Variants in TMEM230 observed in about 807,000 individuals in gnomAD.
The protein encoded by TMEM230 is transmembrane protein 230.
Under a neutral mutation model 15.8 loss-of-function variants are expected in TMEM230, and 10 were observed. The ratio of observed to expected loss-of-function variants is 0.63; its 90% CI spans 0.39 to 1.07. The LOEUF (loss-of-function observed/expected upper bound fraction) is 1.07. Among genes scored for constraint, TMEM230 ranks in the 50% least tolerant of loss-of-function variants. The probability of loss-of-function intolerance (pLI) is 0.01; values close to 1 mark genes in which losing one functional copy is unlikely to be tolerated. For missense variants in TMEM230, 165 were observed against 193.3 expected, an observed-to-expected ratio of 0.85 and a Z score of 0.87; for synonymous variants, 67 against 76.9, an observed-to-expected ratio of 0.87 and a Z score of 0.68.
chr20:5,108,501 A>C (rs1370756978), intron 3 of TMEM230, among the ~76,000 whole-genome samples: 1 of 152,172 alleles, frequency 6.6e-6, no homozygotes, highest in Non-Finnish European at 1.5e-5. Flanking sequence ...TAGCAAGTAA[A>C]CCTGCCTTAT....
At chr20:5,101,590 T>C (rs1404861657) in intron 4 of TMEM230, among the ~76,000 whole-genome samples, 1 of 152,114 alleles carries the variant, frequency 6.6e-6, no homozygotes, top group Non-Finnish European at 1.5e-5. Flanking sequence ...CTGGCTCATT[T>C]TGTACATTTG....
At chr20:5,083,337 A>G (rs2089239924) in intron 3 of TMEM230, among the ~76,000 whole-genome samples, 2 of 149,838 alleles carry the variant, frequency 1.3e-5, no homozygotes, top group South Asian at 2.1e-4. Flanking sequence ...TAGAAGAAAG[A>G]GAAAGAAAAA....
At chr20:5,075,455 G>C (rs2088960407) in intron 3 of TMEM230, among the ~76,000 whole-genome samples, 1 of 151,906 alleles carries the variant, frequency 6.6e-6, no homozygotes, top group African/African-American at 2.4e-5. Flanking sequence ...CAGGCGCGGT[G>C]GCTCATGCCT....
intron 4 of TMEM230, among the ~76,000 whole-genome samples, chr20:5,104,662 C>T (rs2089998596): frequency 3.3e-5 from 5 of 152,186 alleles, no homozygotes. Context: ...AAATATGGTA[C>T]ATATATGCAA....
At chr20:5,078,073 G>A (rs1339633794) in intron 3 of TMEM230, among the ~76,000 whole-genome samples, 2 of 152,132 alleles carry the variant, frequency 1.3e-5, no homozygotes, top group African/African-American at 4.8e-5. Flanking sequence ...TATAATCTGA[G>A]GCAGAGCAGT....
At chr20:5,103,267 GC>G (rs1455461529) in intron 4 of TMEM230, among the ~76,000 whole-genome samples, 1 of 152,036 alleles carries the variant, frequency 6.6e-6, no homozygotes, top group Non-Finnish European at 1.5e-5. Flanking sequence ...TTTAAGACCA[GC>G]CTGGGCAACA....
the TMEM230 span, among the ~76,000 whole-genome samples, chr20:5,060,729 T>C: frequency 1.8e-4 from 27 of 152,210 alleles, no homozygotes; most frequent in African/African-American, 6.3e-4. Flanking sequence ...ATTTCCATTA[T>C]TGTGTAGTAT....
chr20:5,090,293 C>A (rs2089470257), intron 3 of TMEM230, among the ~76,000 whole-genome samples: 1 of 152,074 alleles, frequency 6.6e-6, no homozygotes, highest in Admixed American at 6.6e-5. Flanking sequence ...GTAATGGGTG[C>A]TGAATAGAAA....
downstream of TMEM230, among the ~76,000 whole-genome samples, chr20:5,065,627 C>T (rs967350802): frequency 7.9e-5 from 12 of 152,210 alleles, no homozygotes; most frequent in African/African-American, 2.2e-4. Context: ...TCACTACCAC[C>T]AGCTTCCCAG....
intron 4 of TMEM230, among the ~76,000 whole-genome samples, chr20:5,101,160 GCTT>G (rs1053502324): frequency 4.6e-5 from 7 of 152,060 alleles, no homozygotes; most frequent in South Asian, 2.1e-4. Context: ...AGATATTTTG[GCTT>G]CTTTTCCTTT....
At chr20:5,088,308 CAAAAAAA>C (rs777211538) in intron 3 of TMEM230, among the ~76,000 whole-genome samples, 1 of 51,132 alleles carries the variant, frequency 2.0e-5, no homozygotes, top group Admixed American at 1.9e-4. Context: ...GACTCTGTCT[CAAAAAAA>C]AAAAAAAAAA....
At chr20:5,099,191 A>AAAATAAAT (rs60562203), downstream of TMEM230, among the ~76,000 whole-genome samples, 231 of 112,770 alleles carry the variant, frequency 2.0e-3, 1 homozygote, top group Middle Eastern at 4.3e-3. Context: ...ACTCTGTCTC[A>AAAATAAAT]AAATAAATAA....
At chr20:5,061,971 A>G in the TMEM230 span, among the ~76,000 whole-genome samples, 2 of 152,170 alleles carry the variant, frequency 1.3e-5, no homozygotes, top group African/African-American at 4.8e-5. Context: ...CTGTAATCCC[A>G]GCACTTTGAG....
At chr20:5,096,377 A>G (rs2089664756), downstream of TMEM230, among the ~76,000 whole-genome samples, 1 of 152,176 alleles carries the variant, frequency 6.6e-6, no homozygotes, top group African/African-American at 2.4e-5. Context: ...TTTAGAAGGA[A>G]ACTGAGGCCC....
intron 3 of TMEM230, among the ~76,000 whole-genome samples, chr20:5,069,823 C>A (rs1167658614): frequency 1.3e-5 from 2 of 152,154 alleles, no homozygotes; most frequent in African/African-American, 4.8e-5. Flanking sequence ...GATTCTTGTG[C>A]CTCAGCCACC....
intron 2 of TMEM230, among the ~76,000 whole-genome samples, chr20:5,110,348 A>C (rs2090264213): frequency 6.7e-6 from 1 of 149,864 alleles, no homozygotes; most frequent in Non-Finnish European, 1.5e-5. Flanking sequence ...GCAGTGGCGC[A>C]ATCTCCATTC....
At chr20:5,082,922 GTTTT>G (rs140284230) in intron 3 of TMEM230, among the ~76,000 whole-genome samples, 1 of 127,254 alleles carries the variant, frequency 7.9e-6, no homozygotes, top group East Asian at 2.4e-4. Flanking sequence ...TCTTCATATT[GTTTT>G]TTTTTTTTTT....
chr20:5,092,561 T>C (rs950446737), intron 3 of TMEM230, among the ~76,000 whole-genome samples: 5 of 151,824 alleles, frequency 3.3e-5, no homozygotes, highest in Admixed American at 6.6e-5. Flanking sequence ...CTATTAAAAA[T>C]ACAAAATTAG....
chr20:5,092,396 G>T (rs140559355), intron 3 of TMEM230, among the ~76,000 whole-genome samples: 349 of 152,198 alleles, frequency 2.3e-3, no homozygotes, highest in African/African-American at 8.0e-3. Context: ...TTCTACATAT[G>T]CATATCAGTA....
Sources: gnomAD v4.1 joint callset for allele counts (sites outside exome capture counted in the v4.1 genomes callset) on GRCh38, gnomAD v4.1.1 for gene constraint, MANE v1.5 for transcripts, NCBI Gene and HGNC (gene_info 2026-07-23, HGNC 2026-07-21) for gene names.